ACVR1: variants seen among roughly 807,000 people sequenced by gnomAD.
The protein encoded by ACVR1 is activin receptor type-1.
ACVR1 carries 38 observed loss-of-function variants against 57.1 expected under a neutral mutation model. That is an observed-to-expected ratio of 0.67 (90% CI 0.51 to 0.87). ACVR1 has a LOEUF of 0.87. ACVR1 is among the 40% of genes least tolerant of loss of function. ACVR1 has a pLI of 0.00. For missense variants in ACVR1, 463 were observed against 638.2 expected (o/e 0.73, Z 2.96); for synonymous variants, 212 against 228.1 (o/e 0.93, Z 0.63).
At chr2:157,865,492 T>G (rs747067791) in intron 1 of ACVR1, among the ~76,000 whole-genome samples, 1 of 152,178 alleles carries the variant, frequency 6.6e-6, no homozygotes, top group Non-Finnish European at 1.5e-5. Flanking sequence ...GATTGATAGA[T>G]AGATAGACAG....
chr2:157,858,200 T>C (rs1689599592), intron 1 of ACVR1, among the ~76,000 whole-genome samples: 3 of 152,178 alleles, frequency 2.0e-5, no homozygotes, highest in African/African-American at 7.2e-5. Flanking sequence ...CAGGGCTACC[T>C]GGGAGGAGCC....
In ACVR1 at chr2:157,826,762, AAAGGAAAGGAAAGGAAAGGAAAGG is replaced by A. The variant is rs1559080629; in HGVS notation, c.-182-8227_-182-8204del. 92 of 95,830 alleles carry A rather than the reference AAAGGAAAGGAAAGGAAAGGAAAGG, an allele frequency of 9.6e-4. 4 individuals carry two copies. Among genetic ancestry groups the A allele is most frequent in the African/African-American group, 4.7e-3 (78 of 16,530 alleles). 5.9% of individuals were successfully genotyped at this position (95,830 alleles called of 1,614,324 possible). Reference sequence around the variant, plus strand: ...AAAGGAAAGGAAAGGAAAGGAAAGGAAAGGAAAGGAAAGGAAAGGAAAGGAAAGGGAAAGGGAAAAGGAAAAGGA... The same window carrying A: ...AAAGGAAAGGAAAGGAAAGGAAAGGAAAAGGGAAAGGGAAAAGGAAAAGGA... On this transcript the variant is annotated intron_variant, in intron 1 of 10. Coordinates refer to ENST00000434821, the MANE Select transcript of ACVR1 (RefSeq NM_001111067.4).
At chr2:157,819,160 C>CT (rs1559075739) in intron 1 of ACVR1, among the ~76,000 whole-genome samples, 2 of 149,928 alleles carry the variant, frequency 1.3e-5, no homozygotes, top group African/African-American at 4.9e-5. Context: ...AGCCTATACA[C>CT]TATGTACTCT....
At chr2:157,791,007 T>C (rs937969804) in intron 3 of ACVR1, among the ~76,000 whole-genome samples, 2 of 152,174 alleles carry the variant, frequency 1.3e-5, no homozygotes, top group Non-Finnish European at 2.9e-5. Context: ...ACTTCACCCT[T>C]CCCCTGCCTG....
At chr2:157,745,357 A>G (rs1377921126) in intron 9 of ACVR1, among the ~76,000 whole-genome samples, 1 of 152,226 alleles carries the variant, frequency 6.6e-6, no homozygotes, top group Admixed American at 6.5e-5. Flanking sequence ...GCTATGAAGA[A>G]AGGCTTCTTC....
chr2:157,757,153 T>C (rs1303072049), intron 9 of ACVR1, among the ~76,000 whole-genome samples: 1 of 150,686 alleles, frequency 6.6e-6, no homozygotes, highest in Non-Finnish European at 1.5e-5. Context: ...GAAGAAAGAC[T>C]TCTGAACTTG....
chr2:157,764,478 G>A (rs977408258), intron 8 of ACVR1, among the ~76,000 whole-genome samples: 1 of 151,610 alleles, frequency 6.6e-6, no homozygotes, highest in East Asian at 1.9e-4. Context: ...AAAGTGCTGG[G>A]ATTACAAGCG....
In ACVR1 at chr2:157,738,435, C is replaced by G; in HGVS notation, c.1395+5G>C. ...GCTCTAAAACTGAGAAACTGGCATTCTTACCGGGTCTGAGAACCATCTGTT... is the reference window on the plus strand; with the variant it reads ...GCTCTAAAACTGAGAAACTGGCATTGTTACCGGGTCTGAGAACCATCTGTT... On this transcript the variant is annotated splice_donor_5th_base_variant and intron_variant, in intron 10 of 10. Coordinates refer to ENST00000434821, the MANE Select transcript of ACVR1 (RefSeq NM_001111067.4). The G allele has an allele frequency of 1.2e-6, 2 of 1,614,074 alleles. No homozygotes were observed. Among genetic ancestry groups the G allele is most frequent in the Non-Finnish European group, 1.7e-6 (2 of 1,179,938 alleles).
At chr2:157,867,329 C>G (rs1160485013) in intron 1 of ACVR1, among the ~76,000 whole-genome samples, 2 of 152,222 alleles carry the variant, frequency 1.3e-5, no homozygotes, top group Non-Finnish European at 2.9e-5. Context: ...TCCACTAGAC[C>G]AATCATCCTT....
At chr2:157,851,007 C>A (rs1689279791) in intron 1 of ACVR1, among the ~76,000 whole-genome samples, 1 of 152,066 alleles carries the variant, frequency 6.6e-6, no homozygotes, top group Non-Finnish European at 1.5e-5. Context: ...CTTAACAGAT[C>A]CATCTTAACT....
chr2:157,778,224 T>C lies in ACVR1; in HGVS notation c.450A>G (p.Lys150=), dbSNP rs774878576. The C allele has an allele frequency of 1.1e-5, 17 of 1,614,096 alleles. No homozygotes were observed. In the Admixed American group the frequency reaches 2.8e-4, roughly 27 times the overall value. ...GATTGAGGCGTTCTTGGTTGCGCCT[T>C]TTAAATTTTCGGAGAGCAACTCCCA... is the stretch of plus-strand genomic sequence containing the variant. The part of the protein sequence containing the change: ...CLLGVALRKF[K]RRNQERLNPR... The change falls in exon 5 of 11, where the codon AAA becomes AAG. Residue 150 remains lysine, a synonymous_variant. Transcript: ENST00000434821.
chr2:157,771,623 A>T (rs1013909502), intron 6 of ACVR1, among the ~76,000 whole-genome samples: 4 of 152,188 alleles, frequency 2.6e-5, no homozygotes, highest in African/African-American at 9.7e-5. Context: ...ATACAGGAAT[A>T]CAGTTCTTTG....
intron 9 of ACVR1, among the ~76,000 whole-genome samples, chr2:157,753,786 C>A (rs889298449): frequency 6.6e-6 from 1 of 152,166 alleles, no homozygotes; most frequent in South Asian, 2.1e-4. Context: ...GAACATTCTA[C>A]TGAACAACCA....
chr2:157,843,651 C>T (rs1399440614), intron 1 of ACVR1, among the ~76,000 whole-genome samples: 1 of 152,154 alleles, frequency 6.6e-6, no homozygotes, highest in African/African-American at 2.4e-5. Flanking sequence ...GATTCTTTTC[C>T]AGCCTTTCTT....
chr2:157,838,755 G>A (rs1688876316), intron 1 of ACVR1, among the ~76,000 whole-genome samples: 1 of 152,122 alleles, frequency 6.6e-6, no homozygotes, highest in Admixed American at 6.6e-5. Flanking sequence ...TTGCTGCATG[G>A]CTCTTCCAAG....
At chr2:157,816,229 TGAAA>T (rs1687928410) in intron 2 of ACVR1, among the ~76,000 whole-genome samples, 2 of 152,128 alleles carry the variant, frequency 1.3e-5, no homozygotes, top group African/African-American at 4.8e-5. Flanking sequence ...TAGCCAAAGG[TGAAA>T]GAGAGAAGGG....
At chr2:157,835,246 G>A (rs533142902) in intron 1 of ACVR1, among the ~76,000 whole-genome samples, 15 of 152,224 alleles carry the variant, frequency 9.9e-5, no homozygotes, top group Non-Finnish European at 1.9e-4. Flanking sequence ...GAGCCAGTTA[G>A]AACTGCGGTC....
At chr2:157,836,095 C>T (rs2105349689) in intron 1 of ACVR1, among the ~76,000 whole-genome samples, 1 of 152,302 alleles carries the variant, frequency 6.6e-6, no homozygotes, top group African/African-American at 2.4e-5. Context: ...CAAGCTGGCA[C>T]AGTAATGCAT....
At chr2:157,844,143 C>T (rs1048455166) in intron 1 of ACVR1, among the ~76,000 whole-genome samples, 1 of 152,184 alleles carries the variant, frequency 6.6e-6, no homozygotes, top group African/African-American at 2.4e-5. Context: ...GGCTGGGGGC[C>T]GCCCTCGGCA....
Sources: allele counts gnomAD v4.1 joint callset (sites outside exome capture counted in the v4.1 genomes callset), GRCh38; gene constraint gnomAD v4.1.1; transcripts MANE v1.5; gene names NCBI Gene and HGNC (gene_info 2026-07-23, HGNC 2026-07-21).